IQCM: variants seen among roughly 807,000 people sequenced by gnomAD.
The protein encoded by IQCM is IQ motif containing M.
In IQCM, 45 loss-of-function variants were observed where a neutral mutation model predicts 57.6. The observed-to-expected ratio is 0.78, with a 90% CI of 0.62 to 1.00. The LOEUF is 1.00. Ranked by LOEUF, IQCM falls within the 50% of genes least tolerant of loss-of-function variation. The probability of loss-of-function intolerance (pLI) is 0.00; values close to 1 mark genes in which losing one functional copy is unlikely to be tolerated. For synonymous variants in IQCM, 148 were observed against 158.9 expected (o/e 0.93, Z 0.51); for missense variants, 468 against 511.6 (o/e 0.91, Z 0.82).
At chr4:149,388,173 T>C (rs1385317520) in intron 13 of IQCM, among the ~76,000 whole-genome samples, 2 of 151,942 alleles carry the variant, frequency 1.3e-5, no homozygotes, top group African/African-American at 2.4e-5. Context: ...TACTGACTTA[T>C]GTTTTCATTT....
At chr4:149,712,752 T>C (rs1352329030) in intron 5 of IQCM, among the ~76,000 whole-genome samples, 3 of 152,198 alleles carry the variant, frequency 2.0e-5, no homozygotes, top group Non-Finnish European at 4.4e-5. Context: ...AATATTGAAT[T>C]CTGCCCCCAG....
At chr4:149,374,177 C>G (rs987135258) in intron 13 of IQCM, among the ~76,000 whole-genome samples, 1 of 152,166 alleles carries the variant, frequency 6.6e-6, no homozygotes, top group Admixed American at 6.6e-5. Flanking sequence ...GACAGGTCAT[C>G]TCTTTAGTGT....
At chr4:149,775,893 A>G (rs1771042554) in intron 2 of IQCM, among the ~76,000 whole-genome samples, 1 of 152,196 alleles carries the variant, frequency 6.6e-6, no homozygotes, top group Admixed American at 6.5e-5. Flanking sequence ...GTGGAGAGCT[A>G]TCCCTGTCCT....
At chr4:149,537,509 T>C (rs534818863) in intron 12 of IQCM, among the ~76,000 whole-genome samples, 1 of 151,396 alleles carries the variant, frequency 6.6e-6, no homozygotes, top group African/African-American at 2.4e-5. Flanking sequence ...ATAATGAGAG[T>C]TAGCAAAGGA....
intron 7 of IQCM, among the ~76,000 whole-genome samples, chr4:149,658,334 G>T (rs1436595550): frequency 6.6e-6 from 1 of 151,726 alleles, no homozygotes; most frequent in Non-Finnish European, 1.5e-5. Context: ...TTATTTCTGG[G>T]CTCTCTGTTT....
At chr4:149,551,693 G>C (rs1225280510) in intron 11 of IQCM, among the ~76,000 whole-genome samples, 2 of 144,520 alleles carry the variant, frequency 1.4e-5, no homozygotes, top group Non-Finnish European at 3.0e-5. Flanking sequence ...ATTCATATTA[G>C]ATTATATAAT....
chr4:149,376,510 T>C (rs1344775505), intron 13 of IQCM, among the ~76,000 whole-genome samples: 2 of 152,120 alleles, frequency 1.3e-5, no homozygotes, highest in East Asian at 3.9e-4. Flanking sequence ...CTCCTAATAT[T>C]AGCTTTCTCA....
chr4:149,625,930 C>G (rs576994669), intron 7 of IQCM, among the ~76,000 whole-genome samples: 1 of 152,190 alleles, frequency 6.6e-6, no homozygotes, highest in East Asian at 1.9e-4. Flanking sequence ...GATACCATTT[C>G]TATGTTATAA....
At chr4:149,652,097 T>C (rs944522732) in intron 7 of IQCM, among the ~76,000 whole-genome samples, 13 of 152,096 alleles carry the variant, frequency 8.5e-5, no homozygotes, top group Non-Finnish European at 1.8e-4. Flanking sequence ...GTGGTACATA[T>C]ACACCATGGA....
At chr4:149,676,251 TAC>T (rs1347973756) in intron 7 of IQCM, among the ~76,000 whole-genome samples, 1 of 152,066 alleles carries the variant, frequency 6.6e-6, no homozygotes, top group Non-Finnish European at 1.5e-5. Context: ...TTATTGTATT[TAC>T]ACAAGACCAT....
At chr4:149,659,095 C>T (rs1759917357) in intron 7 of IQCM, among the ~76,000 whole-genome samples, 1 of 151,960 alleles carries the variant, frequency 6.6e-6, no homozygotes, top group Non-Finnish European at 1.5e-5. Context: ...ATTAGTCTTG[C>T]TAGCAGTCTA....
chr4:149,396,953 G>T (rs990544454), intron 13 of IQCM, among the ~76,000 whole-genome samples: 2 of 151,920 alleles, frequency 1.3e-5, no homozygotes, highest in Non-Finnish European at 2.9e-5. Flanking sequence ...TCTGTTGATG[G>T]ACATTTAGGT....
At chr4:149,626,655 A>AC (rs398108123) in intron 7 of IQCM, among the ~76,000 whole-genome samples, 4 of 152,040 alleles carry the variant, frequency 2.6e-5, no homozygotes, top group Non-Finnish European at 5.9e-5. Context: ...GTTCAAAAAA[A>AC]TAATGACTTC....
intron 7 of IQCM, among the ~76,000 whole-genome samples, chr4:149,664,012 T>C (rs1760462766): frequency 6.6e-6 from 1 of 152,264 alleles, no homozygotes; most frequent in Non-Finnish European, 1.5e-5. Context: ...CTTCATTGTT[T>C]GATTCTTTTT....
At chr4:149,483,206 T>C (rs1301317182) in intron 12 of IQCM, among the ~76,000 whole-genome samples, 1 of 151,850 alleles carries the variant, frequency 6.6e-6, no homozygotes, top group Non-Finnish European at 1.5e-5. Flanking sequence ...ATTTTCTTTA[T>C]CTTTGCAAAA....
At chr4:149,730,578 G>A (rs947208763) in intron 5 of IQCM, among the ~76,000 whole-genome samples, 7 of 152,102 alleles carry the variant, frequency 4.6e-5, no homozygotes, top group Admixed American at 2.0e-4. Flanking sequence ...CTTTCTCAGA[G>A]ATCCACTGTC....
chr4:149,661,634 C>A (rs559237635), intron 7 of IQCM, among the ~76,000 whole-genome samples: 2 of 152,092 alleles, frequency 1.3e-5, no homozygotes, highest in East Asian at 1.9e-4. Context: ...TCCTCACTCA[C>A]CCTTGGTCTG....
intron 8 of IQCM, among the ~76,000 whole-genome samples, chr4:149,614,023 C>T (rs954972857): frequency 6.6e-6 from 1 of 152,018 alleles, no homozygotes; most frequent in African/African-American, 2.4e-5. Context: ...TTCTACAAAA[C>T]GAATGACCTG....
At chr4:149,718,427 T>C (rs981680028) in intron 5 of IQCM, among the ~76,000 whole-genome samples, 1 of 152,232 alleles carries the variant, frequency 6.6e-6, no homozygotes, top group South Asian at 2.1e-4. Context: ...GAGTTTAATA[T>C]AGCTGCTGAA....
Sources: gnomAD v4.1 joint callset for allele counts (sites outside exome capture counted in the v4.1 genomes callset) on GRCh38, gnomAD v4.1.1 for gene constraint, MANE v1.5 for transcripts, NCBI Gene and HGNC (gene_info 2026-07-23, HGNC 2026-07-21) for gene names.